SWT1: variants seen among roughly 807,000 people sequenced by gnomAD.
The protein encoded by SWT1 is SWT1 RNA endoribonuclease homolog.
SWT1 carries 33 observed loss-of-function variants against 107.3 expected under a neutral mutation model. The ratio of observed to expected loss-of-function variants is 0.31; its 90% CI spans 0.23 to 0.41. The LOEUF (loss-of-function observed/expected upper bound fraction) is 0.41. Ranked by LOEUF, SWT1 falls within the 10% of genes least tolerant of loss-of-function variation. The probability of loss-of-function intolerance (pLI) is 1.00; values close to 1 mark genes in which losing one functional copy is unlikely to be tolerated. For synonymous variants in SWT1, 345 were observed against 348.3 expected, an observed-to-expected ratio of 0.99 and a Z score of 0.11; for missense variants, 898 against 1,028.9, an observed-to-expected ratio of 0.87 and a Z score of 1.74.
chr1:185,157,571 G>A (rs919518876), intron 1 of SWT1: 2 of 152,624 alleles, frequency 1.3e-5, no homozygotes, highest in Non-Finnish European at 2.9e-5. Flanking sequence ...CGGGCCCGCG[G>A]CGGTTTACTA....
intron 16 of SWT1, among the ~76,000 whole-genome samples, chr1:185,255,259 G>A (rs1662396462): frequency 6.6e-6 from 1 of 150,928 alleles, no homozygotes; most frequent in African/African-American, 2.4e-5. Context: ...ATATTCTGTT[G>A]ATTTGGGGTG....
At chr1:185,168,198 C>T (rs760010711) in intron 3 of SWT1, 142 bp from the exon 4 acceptor site, 20 of 462,620 alleles carry the variant, frequency 4.3e-5, no homozygotes, top group Middle Eastern at 3.3e-4. Context: ...TTTTGTGAAA[C>T]GGGGATGATG....
intron 5 of SWT1, chr1:185,176,948 C>T (rs1655616838): frequency 1.3e-6 from 1 of 774,292 alleles, no homozygotes; most frequent in Admixed American, 6.4e-5. Context: ...CGCGCCACTG[C>T]ACTCCAGCCT....
chr1:185,257,059 C>T (rs1662600277), intron 16 of SWT1, among the ~76,000 whole-genome samples: 1 of 152,022 alleles, frequency 6.6e-6, no homozygotes, highest in African/African-American at 2.4e-5. Context: ...GTCAGTGTGC[C>T]CCTGCTGGGG....
intron 18 of SWT1, among the ~76,000 whole-genome samples, chr1:185,289,105 C>G (rs1665109283): frequency 6.6e-6 from 1 of 152,182 alleles, no homozygotes; most frequent in Non-Finnish European, 1.5e-5. Flanking sequence ...CAGTCTGCCT[C>G]TTCTTTACTC....
At chr1:185,269,329 A>G (rs936712950) in intron 16 of SWT1, among the ~76,000 whole-genome samples, 1 of 147,560 alleles carries the variant, frequency 6.8e-6, no homozygotes, top group African/African-American at 2.5e-5. Context: ...CCTTCTCCAT[A>G]TGTAGTATTC....
At chr1:185,269,373 G>GTTTTTT (rs59417358) in intron 16 of SWT1, among the ~76,000 whole-genome samples, 1 of 125,348 alleles carries the variant, frequency 8.0e-6, no homozygotes, top group Non-Finnish European at 1.7e-5. Context: ...AGAGGTTTTT[G>GTTTTTT]TTTTTTTTTT....
intron 16 of SWT1, among the ~76,000 whole-genome samples, chr1:185,257,586 C>T (rs948490414): frequency 6.6e-6 from 1 of 152,224 alleles, no homozygotes; most frequent in Admixed American, 6.5e-5. Context: ...GGAAAGGGAA[C>T]TCCCTGACCC....
chr1:185,216,960 A>G (rs1160329307), intron 14 of SWT1, among the ~76,000 whole-genome samples: 1 of 151,550 alleles, frequency 6.6e-6, no homozygotes, highest in African/African-American at 2.4e-5. Context: ...TCAAAAAAAA[A>G]AAAAAGAAAA....
At chr1:185,267,083 G>A (rs554432349) in intron 16 of SWT1, among the ~76,000 whole-genome samples, 2 of 152,258 alleles carry the variant, frequency 1.3e-5, no homozygotes, top group South Asian at 2.1e-4. Flanking sequence ...CAAACCCAAA[G>A]AGATTTGGAT....
chr1:185,188,395 A>G (rs1257026703), intron 9 of SWT1, among the ~76,000 whole-genome samples: 1 of 152,200 alleles, frequency 6.6e-6, no homozygotes, highest in African/African-American at 2.4e-5. Context: ...AAGTTAACTA[A>G]TGATTTTGAG....
At chr1:185,178,488 G>A (rs1486364735) in intron 5 of SWT1, among the ~76,000 whole-genome samples, 3 of 152,124 alleles carry the variant, frequency 2.0e-5, no homozygotes, top group African/African-American at 7.2e-5. Context: ...TCTTTGTTAC[G>A]ATATTCCCTT....
rs569880096 is a variant in SWT1 at position 185,244,703 on chromosome 1, C to T, written c.2441+12995C>T. Among the ~76,000 whole-genome samples the T allele has an allele frequency of 7.9e-5, 12 of 152,222 alleles. No homozygotes were observed. In the South Asian group the frequency reaches 2.1e-3, roughly 26 times the overall value. On this transcript the variant is annotated intron_variant, in intron 16 of 18. Coordinates refer to ENST00000367500, the MANE Select transcript of SWT1 (RefSeq NM_017673.7). Reference sequence around the variant, plus strand: ...TTTTCTTTCTTCAATAACAAATTAACCTTAGGTTGTTATAACTTTTTAATT... The same window carrying T: ...TTTTCTTTCTTCAATAACAAATTAATCTTAGGTTGTTATAACTTTTTAATT...
intron 16 of SWT1, among the ~76,000 whole-genome samples, chr1:185,244,917 C>T (rs1661500278): frequency 6.6e-6 from 1 of 151,716 alleles, no homozygotes; most frequent in African/African-American, 2.4e-5. Context: ...ACCGTCTCTG[C>T]AAAAAAATAA....
At chr1:185,161,558 C>T (rs545946258) in intron 2 of SWT1, among the ~76,000 whole-genome samples, 3 of 151,688 alleles carry the variant, frequency 2.0e-5, no homozygotes, top group East Asian at 1.9e-4. Context: ...AAAAGCCAGA[C>T]GTGATGGTGT....
At chr1:185,289,641 A>C (rs1665136316) in intron 18 of SWT1, among the ~76,000 whole-genome samples, 1 of 152,228 alleles carries the variant, frequency 6.6e-6, no homozygotes, top group African/African-American at 2.4e-5. Context: ...GATAAAGAGA[A>C]TGTGGGATAT....
intron 18 of SWT1, among the ~76,000 whole-genome samples, chr1:185,280,076 A>G (rs1197081007): frequency 1.3e-5 from 2 of 152,058 alleles, no homozygotes; most frequent in African/African-American, 4.8e-5. Context: ...TATAATCCCT[A>G]CGTTTGGAGG....
chr1:185,234,109 G>A lies in SWT1; in HGVS notation c.2441+2401G>A, dbSNP rs1571575897. Among the ~76,000 whole-genome samples the A allele has an allele frequency of 2.0e-5, 3 of 152,314 alleles. No individual in the cohort carries two copies. The South Asian group carries it at 6.2e-4, about 32-fold the overall frequency. On this transcript the variant is annotated intron_variant, in intron 16 of 18. Transcript: ENST00000367500. Reference sequence around the variant, plus strand: ...ATATTCTGTTGATTTGGGGCGGAGAGTTCTGTAGATGTCTGTTAGGTCTGC... The same window carrying A: ...ATATTCTGTTGATTTGGGGCGGAGAATTCTGTAGATGTCTGTTAGGTCTGC...
At chr1:185,229,538 A>C (rs550948046) in intron 15 of SWT1, among the ~76,000 whole-genome samples, 2 of 151,822 alleles carry the variant, frequency 1.3e-5, no homozygotes, top group South Asian at 4.2e-4. Flanking sequence ...GATGGTATCT[A>C]GTATATAGTA....
Sources: allele counts gnomAD v4.1 joint callset (sites outside exome capture counted in the v4.1 genomes callset), GRCh38; gene constraint gnomAD v4.1.1; transcripts MANE v1.5; gene names NCBI Gene and HGNC (gene_info 2026-07-23, HGNC 2026-07-21).